NXF3: variants seen among roughly 807,000 people sequenced by gnomAD.
The protein encoded by NXF3 is nuclear RNA export factor 3.
Under a neutral mutation model 48.4 loss-of-function variants are expected in NXF3, and 34 were observed. The observed-to-expected ratio is 0.70, with a 90% CI of 0.53 to 0.93. The LOEUF is 0.93. NXF3 is among the 40% of genes least tolerant of loss of function. The pLI, the probability that NXF3 is intolerant of heterozygous loss-of-function variation, is 0.00. For missense variants in NXF3, 359 were observed against 406.1 expected (o/e 0.88, Z 1.00); for synonymous variants, 132 against 145.7 (o/e 0.91, Z 0.68).
intron 1 of NXF3, among the ~76,000 whole-genome samples, chrX:103,091,213 T>C (rs760224437): frequency 9.2e-4 from 103 of 111,840 alleles, no homozygotes; most frequent in Non-Finnish European, 1.7e-3. Flanking sequence ...TACTTTTTTT[T>C]TGACCCATGC....
In NXF3 at chrX:103,082,810, T is replaced by C; in HGVS notation, c.730A>G (p.Arg244Gly). The C allele has an allele frequency of 1.7e-6, 2 of 1,210,179 alleles. No homozygotes were observed. The highest frequency in any genetic ancestry group is 2.2e-6 in the Non-Finnish European group (2 of 894,284). ...TCCAGGGAGGCAGCCATGCACTTTC[T>C]AGGATTCGATGCCATCTTAGTATCA... The part of the protein sequence containing the change: ...NRDTKMASNP[R>G]KCMAASLDVH... The change falls in exon 8 of 20, where the codon AGA (arginine) becomes GGA (glycine). Residue 244 changes from arginine to glycine, a missense_variant. By Grantham distance (125) the Arg-to-Gly change is moderately radical (BLOSUM62 -2). Coordinates refer to ENST00000395065, the MANE Select transcript of NXF3 (RefSeq NM_022052.2).
At chrX:103,078,954 C>A (rs150460365) in intron 16 of NXF3, among the ~76,000 whole-genome samples, 53 of 112,554 alleles carry the variant, frequency 4.7e-4, no homozygotes, top group African/African-American at 1.5e-3. Context: ...AAGTAACTAG[C>A]ACAAGTTCAG....
intron 1 of NXF3, among the ~76,000 whole-genome samples, chrX:103,091,016 A>G (rs759536397): frequency 8.9e-6 from 1 of 112,520 alleles, no homozygotes; most frequent in East Asian, 2.8e-4. Context: ...ATATTTTCCA[A>G]TAATGTTCAA....
intron 1 of NXF3, 56 bp downstream of exon 1, chrX:103,092,940 T>C (rs936155851): frequency 2.7e-6 from 3 of 1,123,326 alleles, no homozygotes; most frequent in Non-Finnish European, 3.7e-6. Flanking sequence ...GGAAGGGGGC[T>C]CAGTCCCTTT....
At chrX:103,091,690 T>C (rs1460065730) in intron 1 of NXF3, among the ~76,000 whole-genome samples, 1 of 110,597 alleles carries the variant, frequency 9.0e-6, no homozygotes, top group Non-Finnish European at 1.9e-5. Context: ...AAAATACACA[T>C]GTTAAGAAGA....
rs183580183 is a variant in NXF3 at position 103,082,452 on chromosome X, C to A, written c.781-88G>T. The A allele has an allele frequency of 3.6e-4, 217 of 604,911 alleles. 1 individual carries two copies. The African/African-American group carries it at 3.6e-3, about 10-fold the overall frequency. The allele number at this position is 604,911 out of a possible 1,213,427, so 49.9% of individuals were successfully genotyped here. A position where few individuals can be genotyped will look rare whatever the true frequency, so the allele number is the denominator to read the frequency against. On this transcript the variant is annotated intron_variant, in intron 8 of 19. Coordinates refer to ENST00000395065, the MANE Select transcript of NXF3 (RefSeq NM_022052.2). The stretch of plus-strand genomic sequence containing the variant: ...CAGTCTCCTCCCTTGCCAACAAATC[C>A]ACTTCCTTGCCTCTTGTCACTACCC...
At chrX:103,078,747 C>A in intron 16 of NXF3, 115 bp from the exon 17 acceptor site, 2 of 1,096,600 alleles carry the variant, frequency 1.8e-6, no homozygotes, top group South Asian at 3.9e-5. Context: ...CAGACCAGGA[C>A]AGTTGTTCAC....
chrX:103,076,185 T>G, intron 19 of NXF3, 56 bp downstream of exon 19: 1 of 922,857 alleles, frequency 1.1e-6, no homozygotes, highest in Non-Finnish European at 1.6e-6. Context: ...GAAGCCCAAG[T>G]TCAATCCCCA....
chrX:103,092,734 A>T (rs186179543), intron 1 of NXF3, among the ~76,000 whole-genome samples: 1 of 112,503 alleles, frequency 8.9e-6, no homozygotes, highest in African/African-American at 3.2e-5. Flanking sequence ...TTAAAGATGT[A>T]TTCCCTGCCC....
chrX:103,091,335 C>T (rs905788353), intron 1 of NXF3, among the ~76,000 whole-genome samples: 2 of 111,876 alleles, frequency 1.8e-5, no homozygotes, highest in Non-Finnish European at 3.8e-5. Flanking sequence ...CCTCCGTATC[C>T]ACGGACTCTG....
At position 103,091,121 on chromosome X, in the gene NXF3, T is replaced by C. The variant is rs1242815491; in HGVS notation, c.28+1875A>G. ...TGAAGGAAATGTTTTATATACTCTTTTTCCCGACCTAAACAGGGAGAGTCC... is the reference window on the plus strand; with the variant it reads ...TGAAGGAAATGTTTTATATACTCTTCTTCCCGACCTAAACAGGGAGAGTCC... On this transcript the variant is annotated intron_variant, in intron 1 of 19. Coordinates refer to ENST00000395065, the MANE Select transcript of NXF3 (RefSeq NM_022052.2). Among the ~76,000 whole-genome samples the C allele has an allele frequency of 2.7e-5, 3 of 112,326 alleles. No homozygotes were observed. In the Admixed American group the frequency reaches 2.8e-4, roughly 11 times the overall value.
chrX:103,081,319 A>AGAGCAGCCCCC lies in NXF3; in HGVS notation c.891-708_891-707insGGGGGCTGCTC, dbSNP rs200552312. On this transcript the variant is annotated intron_variant, in intron 9 of 19. Transcript: ENST00000395065. ...TCAGTCTGAGCTGGGCATGGGAAAC[A>AGAGCAGCCCCC]GAGCAGCCACGGGGACAGGAGACCT... 1,406 of 112,333 alleles carry AGAGCAGCCCCC rather than the reference A, an allele frequency of 0.013. 63 individuals are homozygous for AGAGCAGCCCCC. In the East Asian group the frequency reaches 0.17, roughly 14 times the overall value. 9.3% of individuals were successfully genotyped at this position (112,333 alleles called of 1,213,427 possible).
At chrX:103,077,777 G>C (rs1569279220) in intron 17 of NXF3, 31 bp from the exon 18 acceptor site, 9 of 1,204,784 alleles carry the variant, frequency 7.5e-6, no homozygotes, top group Non-Finnish European at 1.0e-5. Context: ...CAGGTAGCCG[G>C]AGAGAAGGAC....
At chrX:103,088,080 A>T in intron 1 of NXF3, 4 of 910,608 alleles carry the variant, frequency 4.4e-6, no homozygotes, top group Non-Finnish European at 6.3e-6. Flanking sequence ...TTCAATATCC[A>T]AAGTGTGAAA....
At chrX:103,088,469 C>T in intron 1 of NXF3, 3 of 935,081 alleles carry the variant, frequency 3.2e-6, no homozygotes, top group East Asian at 6.3e-5. Context: ...GAAAGGTATC[C>T]TTACTACAGC....
intron 1 of NXF3, among the ~76,000 whole-genome samples, chrX:103,085,923 AG>A (rs1922141456): frequency 4.4e-5 from 4 of 91,267 alleles, no homozygotes; most frequent in African/African-American, 1.2e-4. Context: ...AAAAAAAAAA[AG>A]AAAGAAAGAA....
chrX:103,089,362 G>C (rs1229961296), intron 1 of NXF3: 1 of 323,949 alleles, frequency 3.1e-6, no homozygotes, highest in East Asian at 5.4e-5. Flanking sequence ...TTTATCAAGA[G>C]GCCTGCATTA....
At chrX:103,085,004 G>T (rs1922111015) in intron 1 of NXF3, 121 bp from the exon 2 acceptor site, 1 of 671,673 alleles carries the variant, frequency 1.5e-6, no homozygotes, top group East Asian at 3.4e-5. Context: ...TGGCTCTACT[G>T]CCCAGACTGT....
chrX:103,086,706 A>C (rs895534798), intron 1 of NXF3, among the ~76,000 whole-genome samples: 8 of 110,242 alleles, frequency 7.3e-5, no homozygotes, highest in South Asian at 7.8e-4. Flanking sequence ...TGAAAAAAAA[A>C]CATGTAAAAT....
Sources: allele counts gnomAD v4.1 joint callset (sites outside exome capture counted in the v4.1 genomes callset), GRCh38; gene constraint gnomAD v4.1.1; transcripts MANE v1.5; gene names NCBI Gene and HGNC (gene_info 2026-07-23, HGNC 2026-07-21).